The following NUDC variants were observed in gnomAD, a reference collection of about 807,000 sequenced individuals.
NUDC encodes nuclear distribution C, dynein complex regulator, also known as nuclear migration protein nudC.
NUDC carries 14 observed loss-of-function variants against 45.0 expected under a neutral mutation model. The ratio of observed to expected loss-of-function variants is 0.31; its 90% confidence interval spans 0.21 to 0.49. The LOEUF (loss-of-function observed/expected upper bound fraction) is 0.49. NUDC is among the 20% of genes least tolerant of loss of function. The probability of loss-of-function intolerance (pLI) is 0.99; values close to 1 mark genes in which losing one functional copy is unlikely to be tolerated. For missense variants in NUDC, 323 were observed against 426.2 expected (o/e 0.76, Z 2.13); for synonymous variants, 153 against 156.7 (o/e 0.98, Z 0.17).
At chr1:26,934,855 C>T (rs2082214461) in intron 2 of NUDC, among the ~76,000 whole-genome samples, 1 of 152,030 alleles carries the variant, frequency 6.6e-6, no homozygotes, top group South Asian at 2.1e-4. Context: ...GACGGGGTTT[C>T]ACCGTGTTAG....
chr1:26,927,847 A>G (rs567530637), intron 2 of NUDC, among the ~76,000 whole-genome samples: 14 of 152,304 alleles, frequency 9.2e-5, no homozygotes, highest in Non-Finnish European at 1.5e-4. Context: ...CAGAAAGGCA[A>G]TACAGTGCAT....
intron 2 of NUDC, among the ~76,000 whole-genome samples, chr1:26,930,019 C>T (rs898534905): frequency 2.0e-5 from 3 of 152,058 alleles, no homozygotes; most frequent in East Asian, 1.9e-4. Context: ...AGTGAAACTC[C>T]GTCTCAAAAA....
intron 3 of NUDC, among the ~76,000 whole-genome samples, chr1:26,912,892 C>G (rs964576430): frequency 1.3e-5 from 2 of 152,164 alleles, no homozygotes; most frequent in Non-Finnish European, 1.5e-5. Flanking sequence ...AGTGAATAGA[C>G]CTGAGTTGCC....
At chr1:26,929,767 TA>T in intron 2 of NUDC, 1 of 347,796 alleles carries the variant, frequency 2.9e-6, no homozygotes, top group Non-Finnish European at 6.0e-6. Flanking sequence ...CTCATACCTG[TA>T]ATCCCAGCAC....
chr1:26,900,867 A>G (rs1369939388), intron 1 of NUDC, among the ~76,000 whole-genome samples: 1 of 152,216 alleles, frequency 6.6e-6, no homozygotes, highest in Non-Finnish European at 1.5e-5. Flanking sequence ...AAATGGGCCG[A>G]AGATACTTCG....
rs2082032016 is a variant in NUDC at position 26,912,166 on chromosome 1, G to T, written c.93+931G>T. ...AGGACAAGACTGGCCCAAGATCTGG[G>T]CCATCAGAGACACCCCTCTGCCTCC... is the stretch of plus-strand genomic sequence containing the variant. On this transcript the variant is annotated intron_variant, in intron 3 of 6. Transcript: ENST00000435827. The T allele has an allele frequency of 2.6e-6, 4 of 1,567,514 alleles. No homozygotes were observed. In the Admixed American group the frequency reaches 7.3e-5, roughly 29 times the overall value.
chr1:26,927,304 T>C (rs2082141821), intron 2 of NUDC, among the ~76,000 whole-genome samples: 1 of 149,902 alleles, frequency 6.7e-6, no homozygotes, highest in Non-Finnish European at 1.5e-5. Flanking sequence ...TGTGTGTGTG[T>C]CAGGGTCTTG....
intron 2 of NUDC, among the ~76,000 whole-genome samples, chr1:26,909,427 G>T (rs1009260449): frequency 6.6e-6 from 1 of 152,164 alleles, no homozygotes; most frequent in African/African-American, 2.4e-5. Flanking sequence ...TGGCAAGGTA[G>T]AGTTAATAAG....
At chr1:26,908,884 C>T (rs564632551) in intron 2 of NUDC, among the ~76,000 whole-genome samples, 1 of 151,806 alleles carries the variant, frequency 6.6e-6, no homozygotes, top group Non-Finnish European at 1.5e-5. Flanking sequence ...TGGGAGCCAC[C>T]GCACCTGGCT....
chr1:26,941,557 G>A lies in NUDC; in HGVS notation c.260G>A (p.Arg87Gln), dbSNP rs757488340. 9.3e-6 allele frequency: 15 copies of A among 1,611,094 alleles called. No homozygotes were observed. Among genetic ancestry groups the A allele is most frequent in the Admixed American group, 5.0e-5 (3 of 59,440 alleles). Reference protein sequence around the residue: ...QEAERREKAERAARLAKEAKS... With the variant: ...QEAERREKAEQAARLAKEAKS... The stretch of plus-strand genomic sequence containing the variant: ...GCCGAGCGGCGGGAGAAGGCGGAGC[G>A]GGCGGCCAGACTGGCCAAGGAAGCC... Residue 87 changes from arginine (R) to glutamine (Q), a missense_variant, in exon 3 of 9, where the codon CGG (arginine) becomes CAG (glutamine). Physicochemically the swap from Arg to Gln is conservative, Grantham distance 43. Transcript: ENST00000321265.
intron 6 of NUDC, among the ~76,000 whole-genome samples, chr1:26,943,538 A>G (rs1051495401): frequency 2.6e-5 from 4 of 151,968 alleles, no homozygotes; most frequent in East Asian, 1.9e-4. Flanking sequence ...CCAAGCTCCT[A>G]CCTCTGGGAA....
intron 6 of NUDC, among the ~76,000 whole-genome samples, chr1:26,944,097 T>G (rs1417891483): frequency 6.6e-6 from 1 of 152,068 alleles, no homozygotes; most frequent in Admixed American, 6.5e-5. Context: ...GGTTTCACCG[T>G]GTTAGCCAGG....
At chr1:26,941,693 G>T (rs778436610) in intron 3 of NUDC, 33 bp downstream of exon 3, 1 of 1,613,500 alleles carries the variant, frequency 6.2e-7, no homozygotes, top group Admixed American at 1.7e-5. Context: ...CCACCCCTCA[G>T]ATCCCCCCTG....
Position 26,913,378 on chromosome 1 carries a change from G to GC in NUDC, c.93+2149dup, listed in dbSNP as rs760017696. ...CCTGGCTGGCCCCTGCTTCAGCCTT[G>GC]CCCCCCACCCAGGAGTGTCTGGGAG... On this transcript the variant is annotated intron_variant, in intron 3 of 6. Transcript: ENST00000435827. 5.0e-6 allele frequency: 8 copies of GC among 1,609,880 alleles called. No homozygotes were observed. The African/African-American group carries it at 8.0e-5, about 16-fold the overall frequency.
At chr1:26,906,591 C>T (rs2082004071) in intron 2 of NUDC, among the ~76,000 whole-genome samples, 1 of 151,188 alleles carries the variant, frequency 6.6e-6, no homozygotes, top group Admixed American at 6.6e-5. Flanking sequence ...GGCTCACACC[C>T]GTAATCCCAG....
intron 2 of NUDC, among the ~76,000 whole-genome samples, chr1:26,936,165 ATTTTTTTTTTTTTTTTTTTTTT>A (rs869056480): frequency 9.5e-5 from 1 of 10,498 alleles, no homozygotes; most frequent in Non-Finnish European, 1.5e-4. Context: ...ATATATATAT[ATTTTTTTTTTTTTTTTTTTTTT>A]TTTTTTTTTT....
chr1:26,917,354 G>A (rs982302290), upstream of NUDC, among the ~76,000 whole-genome samples: 2 of 152,100 alleles, frequency 1.3e-5, no homozygotes, highest in African/African-American at 4.8e-5. Flanking sequence ...CTGAGGTCAG[G>A]AGTTCGAGAC....
chr1:26,906,792 T>C (rs1276432415), intron 2 of NUDC, among the ~76,000 whole-genome samples: 6 of 152,062 alleles, frequency 3.9e-5, no homozygotes. Context: ...GAGCTTGCAG[T>C]GAGCTGAGAT....
At chr1:26,936,546 G>A (rs761130674) in intron 2 of NUDC, among the ~76,000 whole-genome samples, 3 of 151,168 alleles carry the variant, frequency 2.0e-5, no homozygotes, top group Non-Finnish European at 4.4e-5. Flanking sequence ...GGCTGGTCTC[G>A]AACTCCAGTG....
Sources: gnomAD v4.1 joint callset for allele counts (sites outside exome capture counted in the v4.1 genomes callset) on GRCh38, gnomAD v4.1.1 for gene constraint, MANE v1.5 for transcripts, NCBI Gene and HGNC (gene_info 2026-07-23, HGNC 2026-07-21) for gene names.